GTF2E1: variants seen among roughly 807,000 people sequenced by gnomAD.
GTF2E1 encodes general transcription factor IIE subunit 1.
In GTF2E1, 14 loss-of-function variants were observed where a neutral mutation model predicts 34.9. That is an observed-to-expected ratio of 0.40 (90% CI 0.27 to 0.63). The LOEUF is 0.63. GTF2E1 is among the 20% of genes least tolerant of loss of function. GTF2E1 has a pLI of 0.39. For missense variants in GTF2E1, 469 were observed against 557.7 expected, an observed-to-expected ratio of 0.84 and a Z score of 1.60; for synonymous variants, 188 against 192.9, an observed-to-expected ratio of 0.97 and a Z score of 0.21.
chr3:120,748,711 T>A (rs1224987896), intron 1 of GTF2E1, among the ~76,000 whole-genome samples: 1 of 152,242 alleles, frequency 6.6e-6, no homozygotes, highest in Non-Finnish European at 1.5e-5. Flanking sequence ...TCCTTTTGGC[T>A]TAGGATTGAC....
intron 4 of GTF2E1, among the ~76,000 whole-genome samples, chr3:120,779,422 G>T (rs534736370): frequency 1.3e-5 from 2 of 152,294 alleles, no homozygotes; most frequent in East Asian, 3.9e-4. Context: ...ACAATATTTT[G>T]AAGTAGTTAA....
intron 2 of GTF2E1, among the ~76,000 whole-genome samples, chr3:120,767,077 C>G (rs1416207908): frequency 6.6e-6 from 1 of 152,152 alleles, no homozygotes; most frequent in Admixed American, 6.6e-5. Context: ...ACAGGCTTCT[C>G]ATTTATAACT....
chr3:120,744,578 G>A (rs1056822848), intron 1 of GTF2E1, among the ~76,000 whole-genome samples: 1 of 152,180 alleles, frequency 6.6e-6, no homozygotes, highest in Non-Finnish European at 1.5e-5. Context: ...GCTCAAAACA[G>A]AGAGCTATTT....
Position 120,779,203 on chromosome 3 carries a change from C to CT in GTF2E1, c.893-1838dup, listed in dbSNP as rs543513465. Among the ~76,000 whole-genome samples, 10 of 152,264 alleles carry CT rather than the reference C, an allele frequency of 6.6e-5. 1 individual carries two copies. In the South Asian group the frequency reaches 2.1e-3, roughly 31 times the overall value. On this transcript the variant is annotated intron_variant, in intron 4 of 4. Coordinates refer to ENST00000283875, the MANE Select transcript of GTF2E1 (RefSeq NM_005513.3). Reference sequence around the variant, plus strand: ...CTTGTCAGAAATCTGTTACGTGTGACTTAATTTAGTTTACAAAACTAATTT... The same window carrying CT: ...CTTGTCAGAAATCTGTTACGTGTGACTTTAATTTAGTTTACAAAACTAATTT...
At chr3:120,776,023 C>G (rs928730820) in intron 3 of GTF2E1, among the ~76,000 whole-genome samples, 3 of 152,118 alleles carry the variant, frequency 2.0e-5, no homozygotes, top group Admixed American at 6.6e-5. Context: ...TTTAAAAATA[C>G]AATGTGTTTT....
intron 2 of GTF2E1, among the ~76,000 whole-genome samples, chr3:120,754,365 A>G (rs1229941914): frequency 2.0e-5 from 3 of 152,202 alleles, no homozygotes; most frequent in East Asian, 1.9e-4. Context: ...AATTACAATC[A>G]TAGCTTAGAA....
chr3:120,757,979 A>G (rs545686983), intron 2 of GTF2E1, among the ~76,000 whole-genome samples: 73 of 152,296 alleles, frequency 4.8e-4, no homozygotes, highest in Non-Finnish European at 8.8e-4. Context: ...CCTGGCCAAC[A>G]GGGTGAAACC....
At chr3:120,747,112 T>G (rs577331955) in intron 1 of GTF2E1, among the ~76,000 whole-genome samples, 1 of 150,268 alleles carries the variant, frequency 6.7e-6, no homozygotes, top group South Asian at 2.1e-4. Context: ...TTTTGTTTTG[T>G]TTTTTTTTGA....
intron 1 of GTF2E1, 32 bp from the exon 2 acceptor site, chr3:120,750,491 C>T: frequency 1.5e-6 from 2 of 1,311,670 alleles, no homozygotes; most frequent in South Asian, 1.3e-5. Context: ...GTTCTTATAC[C>T]TGGCTAATTT....
intron 3 of GTF2E1, among the ~76,000 whole-genome samples, chr3:120,775,349 T>C (rs865942758): frequency 1.3e-5 from 2 of 152,126 alleles, no homozygotes; most frequent in Admixed American, 6.5e-5. Flanking sequence ...AGGTCAGTCA[T>C]GGACACTGAA....
At chr3:120,746,784 CA>C (rs1709109424) in intron 1 of GTF2E1, among the ~76,000 whole-genome samples, 1 of 152,236 alleles carries the variant, frequency 6.6e-6, no homozygotes, top group African/African-American at 2.4e-5. Context: ...GACAACAGAG[CA>C]AGACACTCTC....
At chr3:120,764,448 C>T (rs1054979394) in intron 2 of GTF2E1, among the ~76,000 whole-genome samples, 4 of 152,162 alleles carry the variant, frequency 2.6e-5, no homozygotes, top group Non-Finnish European at 5.9e-5. Flanking sequence ...CCCACTTGAG[C>T]ACTTAAGCAC....
chr3:120,777,137 C>T (rs1443960745), intron 4 of GTF2E1, among the ~76,000 whole-genome samples: 2 of 152,176 alleles, frequency 1.3e-5, no homozygotes. Context: ...ATTGAGCATT[C>T]TCACAGTCCA....
intron 2 of GTF2E1, among the ~76,000 whole-genome samples, chr3:120,770,427 A>G (rs1709342017): frequency 6.6e-6 from 1 of 152,206 alleles, no homozygotes; most frequent in Non-Finnish European, 1.5e-5. Context: ...GGTAAGCTGT[A>G]AAGAATTTGG....
At chr3:120,781,015 T>C in intron 4 of GTF2E1, 28 bp from the exon 5 acceptor site, 1 of 1,479,558 alleles carries the variant, frequency 6.8e-7, no homozygotes, top group Non-Finnish European at 9.3e-7. Flanking sequence ...TATTTAAGGA[T>C]ATTGACTTTC....
intron 2 of GTF2E1, among the ~76,000 whole-genome samples, chr3:120,761,316 T>C (rs1468714150): frequency 2.0e-5 from 3 of 152,142 alleles, no homozygotes; most frequent in Non-Finnish European, 4.4e-5. Flanking sequence ...CTCTTTTCTT[T>C]TTTATTAGTC....
At chr3:120,749,877 G>T (rs907739815) in intron 1 of GTF2E1, 5 of 152,134 alleles carry the variant, frequency 3.3e-5, no homozygotes, top group African/African-American at 1.2e-4. Context: ...ATTTTGGGCT[G>T]CTCTCCCTCC....
rs754665621 is a variant in GTF2E1, at chr3:120,781,330, C to A, written c.1180C>A (p.Pro394Thr). ...CGAGTTTGAAGAAGTAGCAGATGAC[C>A]CCATTGTCATGGTGGCTGGCCGTCC... ...DDEFEEVADD[P>T]IVMVAGRPFS... is the part of the protein sequence containing the mutation. The change falls in exon 5 of 5, where the codon CCC becomes ACC. Residue 394 changes from proline (P) to threonine (T), a missense_variant. Coordinates refer to ENST00000283875, the MANE Select transcript of GTF2E1 (RefSeq NM_005513.3). 2.4e-5 allele frequency: 38 copies of A among 1,613,934 alleles called. No homozygotes were observed. Among genetic ancestry groups the A allele is most frequent in the Non-Finnish European group, 3.1e-5 (36 of 1,180,000 alleles).
At chr3:120,775,990 C>G (rs1709395514) in intron 3 of GTF2E1, among the ~76,000 whole-genome samples, 1 of 152,156 alleles carries the variant, frequency 6.6e-6, no homozygotes, top group African/African-American at 2.4e-5. Flanking sequence ...TTGAATTGTT[C>G]TGGGTTGAGC....
Sources: gnomAD v4.1 joint callset for allele counts (sites outside exome capture counted in the v4.1 genomes callset) on GRCh38, gnomAD v4.1.1 for gene constraint, MANE v1.5 for transcripts, NCBI Gene and HGNC (gene_info 2026-07-23, HGNC 2026-07-21) for gene names.